SEMA3A: variants seen among roughly 807,000 people sequenced by gnomAD.
The protein encoded by SEMA3A is semaphorin 3A, also known as semaphorin-3A.
In SEMA3A, 29 loss-of-function variants were observed where a neutral mutation model predicts 97.9. The observed-to-expected ratio is 0.30, with a 90% CI of 0.22 to 0.40. The LOEUF (loss-of-function observed/expected upper bound fraction) is 0.40, where lower values mean the gene tolerates loss of function less well. SEMA3A is among the 10% of genes least tolerant of loss of function. SEMA3A has a pLI of 1.00. For synonymous variants in SEMA3A, 321 were observed against 323.7 expected (o/e 0.99, Z 0.09); for missense variants, 763 against 951.3 (o/e 0.80, Z 2.60).
At position 84,005,439 on chromosome 7, in the gene SEMA3A, T is replaced by A; in HGVS notation, c.1260A>T (p.Pro420=). 1 of 1,613,910 alleles carries A rather than the reference T, an allele frequency of 6.2e-7. No homozygotes were observed. Among genetic ancestry groups the A allele is most frequent in the Non-Finnish European group, 8.5e-7 (1 of 1,179,820 alleles). The change falls in exon 11 of 17, where the codon CCA becomes CCT. Residue 420 remains proline (P), a synonymous_variant. Coordinates refer to ENST00000265362, the MANE Select transcript of SEMA3A (RefSeq NM_006080.3). Reference sequence around the variant, plus strand: ...AATTTACATCCGTTTTGATCACTATTGGGCGATTGTTCATAGGAAACACTG... The same window carrying A: ...AATTTACATCCGTTTTGATCACTATAGGGCGATTGTTCATAGGAAACACTG... ...YNPVFPMNNR[P]IVIKTDVNYQ... is the part of the protein sequence containing the mutation.
chr7:84,414,669 G>C (rs1171847118), intron 1 of SEMA3A, among the ~76,000 whole-genome samples: 1 of 151,868 alleles, frequency 6.6e-6, no homozygotes, highest in East Asian at 1.9e-4. Context: ...CACTCAGATG[G>C]TGGGACATTC....
Position 84,026,243 on chromosome 7 carries a change from C to T in SEMA3A, c.668-11892G>A, listed in dbSNP as rs868006657. ...CTGTACCTTAAATCAAATTAAGTAC[C>T]TCGTATCTCTTATTCAACCCTGACT... On this transcript the variant is annotated intron_variant, in intron 6 of 16. Transcript: ENST00000265362. 2.6e-4 allele frequency among the ~76,000 whole-genome samples: 40 copies of T among 152,234 alleles called. No homozygotes were observed. In the Middle Eastern group the frequency reaches 0.014, roughly 52 times the overall value.
chr7:84,486,213 C>A (rs1005094467), intron 1 of SEMA3A, among the ~76,000 whole-genome samples: 4 of 151,942 alleles, frequency 2.6e-5, no homozygotes, highest in African/African-American at 9.7e-5. Context: ...CATGGTGAAA[C>A]CCTGTCTCTA....
At chr7:84,427,747 G>T (rs1178369442) in intron 1 of SEMA3A, among the ~76,000 whole-genome samples, 1 of 150,926 alleles carries the variant, frequency 6.6e-6, no homozygotes, top group African/African-American at 2.4e-5. Flanking sequence ...GAGCTACATG[G>T]TCCATTCATA....
intron 3 of SEMA3A, among the ~76,000 whole-genome samples, chr7:84,299,290 A>C (rs1259639700): frequency 8.0e-6 from 1 of 124,986 alleles, no homozygotes; most frequent in African/African-American, 2.8e-5. Context: ...ATATATATCT[A>C]TCTCCATATA....
At chr7:84,401,966 A>C (rs2116212428) in intron 1 of SEMA3A, among the ~76,000 whole-genome samples, 1 of 152,328 alleles carries the variant, frequency 6.6e-6, no homozygotes, top group Admixed American at 6.5e-5. Flanking sequence ...GCACCTCACA[A>C]TCACATACAA....
chr7:84,430,003 A>G (rs1349996490), intron 1 of SEMA3A, among the ~76,000 whole-genome samples: 1 of 151,956 alleles, frequency 6.6e-6, no homozygotes, highest in African/African-American at 2.4e-5. Context: ...AAGAGAAAAT[A>G]CACATTTATC....
At chr7:84,125,548 A>C (rs538088112) in intron 3 of SEMA3A, among the ~76,000 whole-genome samples, 91 of 152,338 alleles carry the variant, frequency 6.0e-4, no homozygotes, top group African/African-American at 1.9e-3. Context: ...CCAGCTACTA[A>C]GGTGGCTGAT....
At chr7:84,292,977 T>C (rs1273792850) in intron 3 of SEMA3A, among the ~76,000 whole-genome samples, 3 of 152,074 alleles carry the variant, frequency 2.0e-5, no homozygotes, top group African/African-American at 7.2e-5. Context: ...AATTTACATG[T>C]TTGTTGCATT....
intron 3 of SEMA3A, among the ~76,000 whole-genome samples, chr7:84,210,442 G>A (rs144923541): frequency 6.6e-6 from 1 of 152,102 alleles, no homozygotes; most frequent in Non-Finnish European, 1.5e-5. Context: ...AAATAGGAGA[G>A]CGTGTGTGAG....
rs1366262899 is a variant in SEMA3A, at chr7:84,422,484, AT to A, written c.-245-50585del. 2.0e-5 allele frequency among the ~76,000 whole-genome samples: 3 copies of A among 151,758 alleles called. No homozygotes were observed. In the South Asian group the frequency reaches 6.2e-4, roughly 32 times the overall value. ...AAAAAACCAGCTCCTAGATTCATTG[AT>A]TTTTTAAAGGATTTTTCATGTCTCT... On this transcript the variant is annotated intron_variant, in intron 1 of 3. Transcript: ENST00000424555.
In SEMA3A at chr7:84,282,658, G is replaced by GCT. The variant is rs1408358899; in HGVS notation, c.-83+24547_-83+24548dup. Reference sequence around the variant, plus strand: ...CTGTATAGTATCTATTAATAGCTGTGCTCTCTCTCACACTTTCTCCAAGAA... The same window carrying GCT: ...CTGTATAGTATCTATTAATAGCTGTGCTCTCTCTCTCACACTTTCTCCAAGAA... On this transcript the variant is annotated intron_variant, in intron 3 of 3. Transcript: ENST00000424555. Among the ~76,000 whole-genome samples the GCT allele has an allele frequency of 3.3e-5, 5 of 151,976 alleles. No homozygotes were observed. In the East Asian group the frequency reaches 9.7e-4, roughly 29 times the overall value.
At chr7:84,343,235 A>G (rs375471828) in intron 2 of SEMA3A, among the ~76,000 whole-genome samples, 12 of 152,158 alleles carry the variant, frequency 7.9e-5, no homozygotes, top group Non-Finnish European at 1.3e-4. Context: ...TAGAGGCAGA[A>G]AGTGGTGAAA....
At chr7:84,390,258 G>A (rs1029036673) in intron 1 of SEMA3A, among the ~76,000 whole-genome samples, 3 of 150,724 alleles carry the variant, frequency 2.0e-5, no homozygotes, top group African/African-American at 7.3e-5. Context: ...TCCCAATGCC[G>A]TTATGGTAGG....
At chr7:84,454,696 A>G (rs546000910) in intron 1 of SEMA3A, among the ~76,000 whole-genome samples, 1 of 152,194 alleles carries the variant, frequency 6.6e-6, no homozygotes, top group African/African-American at 2.4e-5. Context: ...AAATGAAAAC[A>G]AAAACAAAAA....
At chr7:84,040,089 T>C (rs2116484971) in intron 6 of SEMA3A, among the ~76,000 whole-genome samples, 1 of 152,186 alleles carries the variant, frequency 6.6e-6, no homozygotes, top group South Asian at 2.1e-4. Context: ...TGAGATATTG[T>C]CATTAATATC....
chr7:84,244,782 T>C (rs184728987), intron 3 of SEMA3A, among the ~76,000 whole-genome samples: 89 of 152,280 alleles, frequency 5.8e-4, no homozygotes, highest in African/African-American at 2.1e-3. Flanking sequence ...ACAGGCCTGA[T>C]GGTGATTTTC....
intron 1 of SEMA3A, among the ~76,000 whole-genome samples, chr7:84,388,861 G>C (rs1044641702): frequency 6.6e-6 from 1 of 152,140 alleles, no homozygotes; most frequent in East Asian, 1.9e-4. Context: ...CTCAAGAGCT[G>C]TGTAGAAACA....
At position 84,001,943 on chromosome 7, in the gene SEMA3A, A is replaced by C; in HGVS notation, c.1452+12T>G. ...CTGAACTTGTTGACACTTGAAATTA[A>C]GCAGCACTCACCCGAAAAACTGTCA... On this transcript the variant is annotated intron_variant, in intron 12 of 16. Transcript: ENST00000265362. 1 of 1,586,168 alleles carries C rather than the reference A, an allele frequency of 6.3e-7. No homozygotes were observed. Among genetic ancestry groups the C allele is most frequent in the Non-Finnish European group, 8.7e-7 (1 of 1,155,808 alleles).
Sources: allele counts gnomAD v4.1 joint callset (sites outside exome capture counted in the v4.1 genomes callset), GRCh38; gene constraint gnomAD v4.1.1; transcripts MANE v1.5; gene names NCBI Gene and HGNC (gene_info 2026-07-23, HGNC 2026-07-21).